DNER: variants seen among roughly 807,000 people sequenced by gnomAD.
DNER encodes delta/notch like EGF repeat containing.
In DNER, 33 loss-of-function variants were observed where a neutral mutation model predicts 78.2. That is an observed-to-expected ratio of 0.42 (90% CI 0.32 to 0.56). The LOEUF (loss-of-function observed/expected upper bound fraction) is 0.56, where lower values mean the gene tolerates loss of function less well. Ranked by LOEUF, DNER falls within the 20% of genes least tolerant of loss-of-function variation. The pLI is 0.11. For synonymous variants in DNER, 417 were observed against 384.8 expected (o/e 1.08, Z -0.98); for missense variants, 918 against 975.3 (o/e 0.94, Z 0.78).
intron 8 of DNER, among the ~76,000 whole-genome samples, chr2:229,431,403 G>A (rs1049215480): frequency 6.6e-6 from 1 of 152,010 alleles, no homozygotes; most frequent in African/African-American, 2.4e-5. Flanking sequence ...TAGCCATGTT[G>A]ATCTAAACAT....
chr2:229,463,674 A>G (rs1339008885), intron 7 of DNER, among the ~76,000 whole-genome samples: 3 of 152,278 alleles, frequency 2.0e-5, no homozygotes, highest in South Asian at 4.1e-4. Context: ...TCCTGCCCTC[A>G]AGGGATCCTC....
At chr2:229,507,398 A>G (rs1020970384) in intron 6 of DNER, among the ~76,000 whole-genome samples, 6 of 152,226 alleles carry the variant, frequency 3.9e-5, no homozygotes, top group Non-Finnish European at 7.3e-5. Flanking sequence ...CTATATGCCT[A>G]CATGTGCTAT....
At position 229,394,134 on chromosome 2, in the gene DNER, C is replaced by G. The variant is rs73098283; in HGVS notation, c.1724-5738G>C. Reference sequence around the variant, plus strand: ...CAACTGCATCTTGGATACTGATTAACCCCAGTTCCAGGAATGCCTCTAAGG... The same window carrying G: ...CAACTGCATCTTGGATACTGATTAAGCCCAGTTCCAGGAATGCCTCTAAGG... On this transcript the variant is annotated intron_variant, in intron 10 of 12. Transcript: ENST00000341772. Among the ~76,000 whole-genome samples the G allele has an allele frequency of 8.3e-4, 127 of 152,304 alleles. 1 individual carries two copies. The highest frequency in any genetic ancestry group is 3.0e-3 in the African/African-American group (125 of 41,556).
At chr2:229,688,988 A>G (rs971429531) in intron 1 of DNER, among the ~76,000 whole-genome samples, 1 of 152,150 alleles carries the variant, frequency 6.6e-6, no homozygotes, top group Admixed American at 6.6e-5. Context: ...GGGGCCTGTC[A>G]TGGAGTGGAG....
In DNER at chr2:229,668,042, A is replaced by G. The variant is rs943306305; in HGVS notation, c.276+46106T>C. Among the ~76,000 whole-genome samples, 8 of 152,302 alleles carry G rather than the reference A, an allele frequency of 5.3e-5. No homozygotes were observed. In the East Asian group the frequency reaches 7.7e-4, roughly 15 times the overall value. ...AGCATTCAGAGCTTTTGAAGCCCAA[A>G]TCTTGCCAAATAGTGTCTCTTACTT... On this transcript the variant is annotated intron_variant, in intron 1 of 12. Transcript: ENST00000341772.
intron 5 of DNER, among the ~76,000 whole-genome samples, chr2:229,540,876 G>A (rs1696499209): frequency 6.6e-6 from 1 of 152,192 alleles, no homozygotes; most frequent in Admixed American, 6.5e-5. Flanking sequence ...AAGGATGGTG[G>A]GTTCCTAAGG....
chr2:229,449,426 T>C (rs1218167840), intron 7 of DNER, among the ~76,000 whole-genome samples: 1 of 152,222 alleles, frequency 6.6e-6, no homozygotes, highest in Non-Finnish European at 1.5e-5. Context: ...GCCCATTTGA[T>C]TTCCTCGAGC....
chr2:229,474,883 A>G (rs1694999338), intron 7 of DNER, among the ~76,000 whole-genome samples: 1 of 151,946 alleles, frequency 6.6e-6, no homozygotes, highest in Non-Finnish European at 1.5e-5. Context: ...CCACCCTTCC[A>G]TTCCTAGCAG....
intron 4 of DNER, 150 bp from the exon 5 acceptor site, chr2:229,547,242 G>A: frequency 1.8e-6 from 2 of 1,125,486 alleles, no homozygotes; most frequent in Non-Finnish European, 1.2e-6. Context: ...TGAGGCAAGG[G>A]AATAAAGCAC....
intron 7 of DNER, among the ~76,000 whole-genome samples, chr2:229,448,007 C>A (rs1237110020): frequency 6.6e-6 from 1 of 152,068 alleles, no homozygotes; most frequent in African/African-American, 2.4e-5. Context: ...AAAATTAAAA[C>A]CATATCAAAT....
intron 1 of DNER, among the ~76,000 whole-genome samples, chr2:229,611,690 C>T (rs1268757368): frequency 2.6e-5 from 4 of 152,216 alleles, no homozygotes; most frequent in Admixed American, 6.5e-5. Flanking sequence ...CTTCGCTTTA[C>T]AGAGAAGGAA....
At chr2:229,424,173 C>T (rs2106351815) in intron 8 of DNER, among the ~76,000 whole-genome samples, 1 of 152,346 alleles carries the variant, frequency 6.6e-6, no homozygotes, top group South Asian at 2.1e-4. Flanking sequence ...AGGGTCTCCA[C>T]CTACACGGAG....
At chr2:229,641,273 G>A (rs947068312) in intron 1 of DNER, among the ~76,000 whole-genome samples, 2 of 152,202 alleles carry the variant, frequency 1.3e-5, no homozygotes, top group African/African-American at 4.8e-5. Flanking sequence ...CAGCCACAGT[G>A]AGGCTGGAGA....
At chr2:229,362,691 T>C (rs1342483479) in intron 12 of DNER, among the ~76,000 whole-genome samples, 1 of 152,216 alleles carries the variant, frequency 6.6e-6, no homozygotes, top group Non-Finnish European at 1.5e-5. Flanking sequence ...TTTAGCACAG[T>C]GTCTGGCCCA....
chr2:229,365,500 C>T (rs1349822941), intron 12 of DNER, among the ~76,000 whole-genome samples: 2 of 152,150 alleles, frequency 1.3e-5, no homozygotes, highest in African/African-American at 4.8e-5. Context: ...GCAGTGGTGC[C>T]ATCTCAGCTT....
At chr2:229,419,473 C>A (rs965324560) in intron 8 of DNER, among the ~76,000 whole-genome samples, 47 of 152,188 alleles carry the variant, frequency 3.1e-4, no homozygotes, top group African/African-American at 1.1e-3. Flanking sequence ...TTTTCCCTAG[C>A]CTTTCCAGCT....
chr2:229,374,181 G>A (rs891578041), intron 11 of DNER, among the ~76,000 whole-genome samples: 5 of 151,966 alleles, frequency 3.3e-5, no homozygotes, highest in Non-Finnish European at 7.4e-5. Flanking sequence ...AAAAATAGGA[G>A]CTGAACATCA....
intron 1 of DNER, among the ~76,000 whole-genome samples, chr2:229,674,445 A>T (rs1699268036): frequency 6.6e-6 from 1 of 152,036 alleles, no homozygotes; most frequent in Admixed American, 6.5e-5. Flanking sequence ...CACCTGGCTG[A>T]TTTTTGTATT....
At chr2:229,477,875 C>G (rs973096471) in intron 6 of DNER, among the ~76,000 whole-genome samples, 5 of 152,138 alleles carry the variant, frequency 3.3e-5, no homozygotes, top group African/African-American at 1.2e-4. Flanking sequence ...AAGCAAGGCT[C>G]TCATGGTAAT....
Sources: gnomAD v4.1 joint callset for allele counts (sites outside exome capture counted in the v4.1 genomes callset) on GRCh38, gnomAD v4.1.1 for gene constraint, MANE v1.5 for transcripts, NCBI Gene and HGNC (gene_info 2026-07-23, HGNC 2026-07-21) for gene names.